The following WDFY4 variants were observed in gnomAD, a reference collection of about 807,000 sequenced individuals.
The protein encoded by WDFY4 is WD repeat- and FYVE domain-containing protein 4.
A neutral mutation model predicts 351.9 loss-of-function variants in WDFY4; 169 were observed. The observed-to-expected ratio is 0.48, with a 90% confidence interval of 0.42 to 0.55. WDFY4 has a LOEUF of 0.55. Among genes scored for constraint, WDFY4 ranks in the 20% least tolerant of loss-of-function variants. The pLI, the probability that WDFY4 is intolerant of heterozygous loss-of-function variation, is 0.00. For synonymous variants in WDFY4, 1,622 were observed against 1,574.6 expected, an observed-to-expected ratio of 1.03 and a Z score of -0.71; for missense variants, 3,803 against 3,935.6, an observed-to-expected ratio of 0.97 and a Z score of 0.90.
chr10:48,870,075 G>T (rs2069706816), intron 40 of WDFY4, among the ~76,000 whole-genome samples: 1 of 152,124 alleles, frequency 6.6e-6, no homozygotes, highest in Admixed American at 6.5e-5. Flanking sequence ...GGTGCCTGTT[G>T]GCCCATCCTA....
chr10:48,948,705 A>G (rs1841176346), intron 51 of WDFY4, among the ~76,000 whole-genome samples: 1 of 152,214 alleles, frequency 6.6e-6, no homozygotes, highest in African/African-American at 2.4e-5. Context: ...GCTGTTGAGA[A>G]GATTAAATGA....
intron 55 of WDFY4, 89 bp downstream of exon 55, chr10:48,966,762 C>T (rs2131820105): frequency 6.8e-7 from 1 of 1,467,984 alleles, no homozygotes; most frequent in Non-Finnish European, 9.1e-7. Flanking sequence ...GCACCACATA[C>T]CTGGGCAAAG....
chr10:48,811,410 A>G, intron 29 of WDFY4, 129 bp from the exon 30 acceptor site: 1 of 762,252 alleles, frequency 1.3e-6, no homozygotes, highest in Non-Finnish European at 2.1e-6. Context: ...TCTATGTGTG[A>G]ATATATTTTA....
rs1228544402 is a variant in WDFY4, at chr10:48,905,399, T to C, written c.7586+3536T>C. ...CAAATGTCTGGAGATTACTCCTTAC[T>C]CATCCCCAGGTTGATGATGACCTGC... On this transcript the variant is annotated intron_variant, in intron 47 of 61. Coordinates refer to ENST00000325239, the MANE Select transcript of WDFY4 (RefSeq NM_001394531.1). 2.0e-5 allele frequency among the ~76,000 whole-genome samples: 3 copies of C among 152,254 alleles called. No homozygotes were observed. In the East Asian group the frequency reaches 5.8e-4, roughly 29 times the overall value.
At chr10:48,801,178 G>T (rs933456915) in intron 24 of WDFY4, among the ~76,000 whole-genome samples, 16 of 152,162 alleles carry the variant, frequency 1.1e-4, no homozygotes, top group African/African-American at 3.9e-4. Flanking sequence ...CTTAGTACAG[G>T]CTTATGTGAC....
At position 48,778,678 on chromosome 10, in the gene WDFY4, T is replaced by A; in HGVS notation, c.3243T>A (p.His1081Gln). 1.3e-6 allele frequency: 2 copies of A among 1,551,656 alleles called. No homozygotes were observed. The highest frequency in any genetic ancestry group is 8.7e-7 in the Non-Finnish European group (1 of 1,147,014). ...TFSCWFLISR[H>Q]GAATEGHPLR... ...CCTGCTGGTTCCTGATCAGCCGGCA[T>A]GGAGCTGCCACTGAGGGCCACCCGC... Residue 1081 changes from histidine (H) to glutamine (Q), a missense_variant, in exon 18 of 62, where the codon CAT becomes CAA. Around this residue, in one of 3 missense-constraint regions of WDFY4, gnomAD observed 3,054 missense variants for 3,148.6 expected, o/e 0.97. Transcript: ENST00000325239.
At chr10:48,926,144 C>A (rs1839554657) in intron 47 of WDFY4, among the ~76,000 whole-genome samples, 1 of 152,308 alleles carries the variant, frequency 6.6e-6, no homozygotes, top group East Asian at 1.9e-4. Context: ...ACATTGCTGG[C>A]CCCCACTGCC....
intron 32 of WDFY4, 104 bp downstream of exon 32, chr10:48,817,513 A>G: frequency 2.2e-6 from 3 of 1,356,726 alleles, no homozygotes; most frequent in Non-Finnish European, 2.0e-6. Flanking sequence ...ATTAAAATAC[A>G]TTTTAAGGCA....
At chr10:48,899,560 C>T (rs1424370752) in intron 45 of WDFY4, among the ~76,000 whole-genome samples, 3 of 152,104 alleles carry the variant, frequency 2.0e-5, no homozygotes, top group Non-Finnish European at 2.9e-5. Flanking sequence ...CTCTCCTTGG[C>T]CTCATCTCAT....
rs1028339147 is a variant in WDFY4, at chr10:48,803,213, C to A, written c.4411-73C>A. ...CAGAGGATCACCTGTCCAGCACTGA[C>A]CTTCTCATGCTTCCTGCAAATCATT... On this transcript the variant is annotated intron_variant, in intron 24 of 61. Coordinates refer to ENST00000325239, the MANE Select transcript of WDFY4 (RefSeq NM_001394531.1). 9 of 1,446,040 alleles carry A rather than the reference C, an allele frequency of 6.2e-6. No homozygotes were observed. In the Admixed American group the frequency reaches 1.6e-4, roughly 25 times the overall value. 89.6% of individuals were successfully genotyped at this position (1,446,040 alleles called of 1,614,324 possible). A position where few individuals can be genotyped will look rare whatever the true frequency, so the allele number is the denominator to read the frequency against.
chr10:48,805,728 C>G (rs1411091063), intron 26 of WDFY4, among the ~76,000 whole-genome samples: 2 of 152,210 alleles, frequency 1.3e-5, no homozygotes, highest in African/African-American at 4.8e-5. Context: ...ATGCCTGGCT[C>G]CTGCAGACTC....
At chr10:48,901,533 C>T (rs952340627) in intron 46 of WDFY4, among the ~76,000 whole-genome samples, 4 of 152,168 alleles carry the variant, frequency 2.6e-5, no homozygotes, top group African/African-American at 9.7e-5. Flanking sequence ...ACTGCCTGGC[C>T]CAGAGGCGGT....
chr10:48,813,553 A>G (rs2067525686), intron 30 of WDFY4, among the ~76,000 whole-genome samples: 1 of 152,242 alleles, frequency 6.6e-6, no homozygotes, highest in South Asian at 2.1e-4. Flanking sequence ...TTAAAAAGGC[A>G]GAATCAGGCC....
intron 20 of WDFY4, among the ~76,000 whole-genome samples, chr10:48,787,983 TCTC>T (rs1459810189): frequency 3.0e-3 from 247 of 81,520 alleles, no homozygotes; most frequent in Middle Eastern, 5.7e-3. Flanking sequence ...TTCTTCTTCT[TCTC>T]CTTCTCCTTC....
intron 51 of WDFY4, among the ~76,000 whole-genome samples, chr10:48,955,791 G>T (rs753497438): frequency 6.6e-6 from 1 of 152,176 alleles, no homozygotes; most frequent in Non-Finnish European, 1.5e-5. Context: ...AGGCTTCCTT[G>T]GGTAAATGCA....
At chr10:48,740,677 G>T (rs549260873) in intron 11 of WDFY4, among the ~76,000 whole-genome samples, 1 of 152,212 alleles carries the variant, frequency 6.6e-6, no homozygotes, top group Admixed American at 6.5e-5. Flanking sequence ...ATCCTCACTC[G>T]GGAGGAGAAA....
At chr10:48,853,834 C>CCCCAGCA (rs2069037708) in intron 39 of WDFY4, among the ~76,000 whole-genome samples, 1 of 152,166 alleles carries the variant, frequency 6.6e-6, no homozygotes, top group African/African-American at 2.4e-5. Context: ...TAGCTCATAG[C>CCCCAGCA]TATCTGTCTG....
At chr10:48,759,913 G>T (rs923559282) in intron 12 of WDFY4, among the ~76,000 whole-genome samples, 1 of 151,922 alleles carries the variant, frequency 6.6e-6, no homozygotes, top group African/African-American at 2.4e-5. Flanking sequence ...AGTTGCATTC[G>T]GTATTCAGGG....
At chr10:48,694,043 T>C (rs1277383040) in intron 1 of WDFY4, among the ~76,000 whole-genome samples, 2 of 152,246 alleles carry the variant, frequency 1.3e-5, no homozygotes, top group Non-Finnish European at 2.9e-5. Context: ...GTGATTTTTG[T>C]GTCTTTATTC....
Sources: allele counts gnomAD v4.1 joint callset (sites outside exome capture counted in the v4.1 genomes callset), GRCh38; gene constraint gnomAD v4.1.1; regional missense constraint gnomAD v4.1.1; transcripts MANE v1.5; gene names NCBI Gene and HGNC (gene_info 2026-07-23, HGNC 2026-07-21).